The following SPAG6 variants were observed in gnomAD, a reference collection of about 807,000 sequenced individuals.
The protein encoded by SPAG6 is sperm-associated antigen 6.
In SPAG6, 49 loss-of-function variants were observed where a neutral mutation model predicts 58.5. That is an observed-to-expected ratio of 0.84 (90% CI 0.67 to 1.06). SPAG6 has a LOEUF of 1.06. Ranked by LOEUF, SPAG6 falls within the 50% of genes least tolerant of loss-of-function variation. The pLI, the probability that SPAG6 is intolerant of heterozygous loss-of-function variation, is 0.00. For missense variants in SPAG6, 560 were observed against 611.3 expected (o/e 0.92, Z 0.89); for synonymous variants, 233 against 225.6 (o/e 1.03, Z -0.29).
rs1833846599 is a variant in SPAG6 at position 22,377,506 on chromosome 10, A to G, written c.472+8828A>G. The stretch of plus-strand genomic sequence containing the variant: ...GTATAATAGCAAACAACCAAACCAA[A>G]CCAAACCAAAAATTAATTAAATGTC... On this transcript the variant is annotated intron_variant, in intron 4 of 10. Transcript: ENST00000376624. 1.3e-5 allele frequency among the ~76,000 whole-genome samples: 2 copies of G among 152,214 alleles called. 1 individual carries two copies. Among genetic ancestry groups the G allele is most frequent in the South Asian group, 4.1e-4 (2 of 4,830 alleles).
intron 8 of SPAG6, among the ~76,000 whole-genome samples, chr10:22,398,803 A>G (rs1406325353): frequency 6.6e-6 from 1 of 152,164 alleles, no homozygotes; most frequent in East Asian, 1.9e-4. Flanking sequence ...TTGCAATTCA[A>G]GAAAGGAGTT....
intron 4 of SPAG6, among the ~76,000 whole-genome samples, chr10:22,381,199 G>GC (rs1171123969): frequency 1.3e-5 from 2 of 151,904 alleles, no homozygotes; most frequent in African/African-American, 4.8e-5. Flanking sequence ...TACCCAGAAA[G>GC]CCCCCCACAG....
intron 10 of SPAG6, among the ~76,000 whole-genome samples, chr10:22,411,899 A>C (rs1316639111): frequency 8.5e-6 from 1 of 117,856 alleles, no homozygotes; most frequent in Admixed American, 1.2e-4. Flanking sequence ...TCCAGGCTGG[A>C]GTGCAGTGGC....
At chr10:22,363,212 A>T (rs144799493) in intron 2 of SPAG6, among the ~76,000 whole-genome samples, 81 of 152,316 alleles carry the variant, frequency 5.3e-4, no homozygotes, top group African/African-American at 1.7e-3. Context: ...CAATGAATCA[A>T]CTAATAAAGC....
intron 3 of SPAG6, among the ~76,000 whole-genome samples, 194 bp downstream of exon 3, chr10:22,365,213 T>G (rs1389850844): frequency 2.0e-5 from 3 of 152,188 alleles, no homozygotes; most frequent in Non-Finnish European, 2.9e-5. Context: ...TTATCTATTA[T>G]TGATAATATA....
chr10:22,409,909 A>G (rs1044439330), intron 9 of SPAG6, among the ~76,000 whole-genome samples: 3 of 152,064 alleles, frequency 2.0e-5, no homozygotes, highest in African/African-American at 7.2e-5. Flanking sequence ...CTTTAGTTCT[A>G]TCCTACCGTG....
At position 22,387,028 on chromosome 10, in the gene SPAG6, G is replaced by A. The variant is rs1054086174; in HGVS notation, c.678+69G>A. 96 of 1,180,298 alleles carry A rather than the reference G, an allele frequency of 8.1e-5. No individual in the cohort carries two copies. In the African/African-American group the frequency reaches 9.0e-4, roughly 11 times the overall value. 73.1% of individuals were successfully genotyped at this position (1,180,298 alleles called of 1,614,324 possible). A position where few individuals can be genotyped will look rare whatever the true frequency, so the allele number is the denominator to read the frequency against. ...TGTAAGAAAATGGAAATGTGTACAC[G>A]TGAATATTTTGCATCTAAAAATAAT... On this transcript the variant is annotated intron_variant, in intron 5 of 10. Coordinates refer to ENST00000376624, the MANE Select transcript of SPAG6 (RefSeq NM_012443.4).
At chr10:22,371,776 G>A (rs1344768690) in intron 4 of SPAG6, among the ~76,000 whole-genome samples, 1 of 152,130 alleles carries the variant, frequency 6.6e-6, no homozygotes, top group Non-Finnish European at 1.5e-5. Context: ...TAAGCATAGA[G>A]AGAAGCCGAT....
chr10:22,409,948 GA>G (rs1834688553), intron 9 of SPAG6, among the ~76,000 whole-genome samples: 1 of 152,032 alleles, frequency 6.6e-6, no homozygotes, highest in African/African-American at 2.4e-5. Flanking sequence ...TTCTCTTTCT[GA>G]AACTTTAAAG....
chr10:22,400,842 T>A (rs901320796), intron 8 of SPAG6, among the ~76,000 whole-genome samples: 4 of 152,176 alleles, frequency 2.6e-5, no homozygotes, highest in African/African-American at 9.6e-5. Flanking sequence ...TATACAAATT[T>A]TTACTCTAAT....
At position 22,412,638 on chromosome 10, in the gene SPAG6, T is replaced by G. The variant is rs113974395; in HGVS notation, c.1460+1462T>G. The G allele has an allele frequency of 4.5e-3, 2,319 of 519,844 alleles. 5 individuals carry two copies. Among genetic ancestry groups the G allele is most frequent in the Non-Finnish European group, 6.6e-3 (2,021 of 307,140 alleles). The allele number at this position is 519,844 out of a possible 1,614,324, so 32.2% of individuals were successfully genotyped here. On this transcript the variant is annotated intron_variant, in intron 10 of 10. Transcript: ENST00000376624. ...CAGGCTGGAGTGCAGTAGCGCGATC[T>G]TGGCTCAACTGCCATCTCCGCCTCC...
At chr10:22,398,695 C>A (rs1834347448) in intron 8 of SPAG6, among the ~76,000 whole-genome samples, 1 of 152,102 alleles carries the variant, frequency 6.6e-6, no homozygotes, top group Non-Finnish European at 1.5e-5. Context: ...TGACACTACA[C>A]TGTAGCCTGG....
rs182647518 is a variant in SPAG6, at chr10:22,371,440, G to T, written c.472+2762G>T. ...AGCTAATTTTTGTATTTTTAGTAGA[G>T]ACGGGGTTTCACCATGTTGGTCAGG... On this transcript the variant is annotated intron_variant, in intron 4 of 10. Coordinates refer to ENST00000376624, the MANE Select transcript of SPAG6 (RefSeq NM_012443.4). Among the ~76,000 whole-genome samples, 718 of 152,198 alleles carry T rather than the reference G, an allele frequency of 4.7e-3. 7 individuals are homozygous for T. The highest frequency in any genetic ancestry group is 0.016 in the African/African-American group (678 of 41,528).
At chr10:22,357,839 G>GT (rs1330726055) in intron 2 of SPAG6, among the ~76,000 whole-genome samples, 8 of 149,486 alleles carry the variant, frequency 5.4e-5, no homozygotes, top group East Asian at 2.0e-4. Context: ...GCAGTGTTTG[G>GT]TTTTTTGTTC....
At chr10:22,407,525 T>C (rs938278557) in intron 9 of SPAG6, among the ~76,000 whole-genome samples, 5 of 152,366 alleles carry the variant, frequency 3.3e-5, no homozygotes, top group African/African-American at 9.6e-5. Flanking sequence ...TCTGATGGGC[T>C]TCCCTTTGTG....
intron 4 of SPAG6, among the ~76,000 whole-genome samples, chr10:22,379,845 A>T (rs1282267018): frequency 6.6e-6 from 1 of 152,220 alleles, no homozygotes; most frequent in African/African-American, 2.4e-5. Flanking sequence ...GCCTAGGCTG[A>T]GTACAGTGGC....
chr10:22,380,905 T>A (rs1285173656), intron 4 of SPAG6, among the ~76,000 whole-genome samples: 1 of 152,128 alleles, frequency 6.6e-6, no homozygotes, highest in Non-Finnish European at 1.5e-5. Context: ...TACATATTTT[T>A]TTCTTTTTTC....
chr10:22,372,487 GGA>G (rs968971011), intron 4 of SPAG6, among the ~76,000 whole-genome samples: 87 of 152,304 alleles, frequency 5.7e-4, no homozygotes, highest in African/African-American at 2.1e-3. Flanking sequence ...TCAGCCACTG[GGA>G]GGTGGGTGAG....
chr10:22,351,802 A>AT (rs929742621), intron 2 of SPAG6, among the ~76,000 whole-genome samples: 5 of 152,028 alleles, frequency 3.3e-5, no homozygotes, highest in Non-Finnish European at 5.9e-5. Flanking sequence ...TGAAATCTTG[A>AT]TTTTCCCATA....
Sources: allele counts gnomAD v4.1 joint callset (sites outside exome capture counted in the v4.1 genomes callset), GRCh38; gene constraint gnomAD v4.1.1; transcripts MANE v1.5; gene names NCBI Gene and HGNC (gene_info 2026-07-23, HGNC 2026-07-21).